The following GPM6B variants were observed in gnomAD, a reference collection of about 807,000 sequenced individuals.
GPM6B encodes neuronal membrane glycoprotein M6-b.
In GPM6B, 4 loss-of-function variants were observed where a neutral mutation model predicts 27.2. The observed-to-expected ratio is 0.15, with a 90% CI of 0.07 to 0.34. The LOEUF is 0.34. Ranked by LOEUF, GPM6B falls within the 10% of genes least tolerant of loss-of-function variation. The pLI, the probability that GPM6B is intolerant of heterozygous loss-of-function variation, is 1.00. For synonymous variants in GPM6B, 124 were observed against 103.1 expected (o/e 1.20, Z -1.23); for missense variants, 183 against 261.9 (o/e 0.70, Z 2.08).
intron 1 of GPM6B, among the ~76,000 whole-genome samples, chrX:13,932,931 T>C (rs1331388004): frequency 1.8e-5 from 2 of 112,164 alleles, no homozygotes; most frequent in Non-Finnish European, 3.8e-5. Flanking sequence ...TGTTTCTGTG[T>C]CTGTATGCCT....
At chrX:13,816,527 A>C (rs1191583052) in intron 1 of GPM6B, among the ~76,000 whole-genome samples, 5 of 111,672 alleles carry the variant, frequency 4.5e-5, no homozygotes, top group Admixed American at 9.5e-5. Context: ...CATGCAGGAC[A>C]CAAGACCTAA....
At chrX:13,774,049 C>T (rs1203641910) in intron 7 of GPM6B, 1 of 736,777 alleles carries the variant, frequency 1.4e-6, no homozygotes, top group Non-Finnish European at 1.6e-6. Flanking sequence ...GGTAGTGAAC[C>T]ATGTGATCAT....
intron 4 of GPM6B, 23 bp from the exon 5 acceptor site, chrX:13,780,012 A>G (rs756920048): frequency 2.6e-6 from 3 of 1,145,342 alleles, no homozygotes; most frequent in Admixed American, 4.4e-5. Flanking sequence ...AAGAGGAAGG[A>G]CAATCATCAC....
At chrX:13,936,621 C>A (rs1158705009) in intron 1 of GPM6B, among the ~76,000 whole-genome samples, 1 of 112,483 alleles carries the variant, frequency 8.9e-6, no homozygotes, top group African/African-American at 3.2e-5. Flanking sequence ...ATGAAGGGAA[C>A]TTTCTTTTTA....
At chrX:13,937,376 CCACA>C (rs1446296842) in intron 1 of GPM6B, among the ~76,000 whole-genome samples, 1 of 111,671 alleles carries the variant, frequency 9.0e-6, no homozygotes, top group Non-Finnish European at 1.9e-5. Flanking sequence ...TATCGCCCCC[CCACA>C]CACAATTAAT....
chrX:13,912,005 A>G (rs2050382603), intron 1 of GPM6B, among the ~76,000 whole-genome samples: 1 of 111,648 alleles, frequency 9.0e-6, no homozygotes, highest in Non-Finnish European at 1.9e-5. Context: ...ACTGTCACAA[A>G]TTTGTGACAT....
intron 1 of GPM6B, among the ~76,000 whole-genome samples, chrX:13,885,383 ATC>A (rs1160330380): frequency 2.7e-5 from 3 of 112,390 alleles, no homozygotes; most frequent in Non-Finnish European, 3.8e-5. Context: ...TTTAAGCTCA[ATC>A]TCTCTCTTTT....
chrX:13,811,215 A>G (rs2049125425), intron 1 of GPM6B, among the ~76,000 whole-genome samples: 1 of 112,719 alleles, frequency 8.9e-6, no homozygotes, highest in Admixed American at 9.4e-5. Context: ...GTGAGTGGTC[A>G]TTGCCAAAGG....
At position 13,858,856 on chromosome X, in the gene GPM6B, C is replaced by G. The variant is rs182082189; in HGVS notation, c.-197-73048G>C. On this transcript the variant is annotated intron_variant, in intron 1 of 6. Coordinates refer to the GPM6B transcript ENST00000398361. ...AGTGTATATAAACTGTCTGCAATTT[C>G]TCTACAATTTCTCTAATACAGACTA... Among the ~76,000 whole-genome samples the G allele has an allele frequency of 9.8e-5, 11 of 112,049 alleles. 1 individual carries two copies. The East Asian group carries it at 3.1e-3, about 31-fold the overall frequency.
chrX:13,896,871 T>C (rs1298819340), intron 1 of GPM6B, among the ~76,000 whole-genome samples: 2 of 112,251 alleles, frequency 1.8e-5, no homozygotes, highest in Non-Finnish European at 3.8e-5. Flanking sequence ...CTCTGCCATA[T>C]TGACAATTTC....
intron 1 of GPM6B, among the ~76,000 whole-genome samples, chrX:13,883,629 G>A (rs1226828066): frequency 1.2e-5 from 1 of 82,897 alleles, no homozygotes; most frequent in Non-Finnish European, 2.3e-5. Context: ...AGGTCAAGGT[G>A]GGAGAATCAC....
chrX:13,923,559 A>G lies in GPM6B; in HGVS notation c.-198+14768T>C, dbSNP rs1921027709. On this transcript the variant is annotated intron_variant, in intron 1 of 6. Coordinates refer to the GPM6B transcript ENST00000398361. Reference sequence around the variant, plus strand: ...CCCCTTCTTCGCAGGGTGAGCAGCTATGTAAAATCTGCCAGGAGAAGTTTT... The same window carrying G: ...CCCCTTCTTCGCAGGGTGAGCAGCTGTGTAAAATCTGCCAGGAGAAGTTTT... Among the ~76,000 whole-genome samples the G allele has an allele frequency of 4.4e-5, 5 of 112,585 alleles. 1 individual carries two copies. In the South Asian group the frequency reaches 1.8e-3, roughly 41 times the overall value.
chrX:13,836,435 T>C (rs779063627), intron 1 of GPM6B, among the ~76,000 whole-genome samples: 125 of 112,460 alleles, frequency 1.1e-3, no homozygotes, highest in Non-Finnish European at 1.9e-3. Flanking sequence ...GAATGAGCTC[T>C]AACCCTAGTT....
chrX:13,783,984 C>T (rs905141463), intron 3 of GPM6B: 2 of 260,687 alleles, frequency 7.7e-6, no homozygotes, highest in Non-Finnish European at 1.5e-5. Flanking sequence ...TGATAAAACC[C>T]CTAAGTAGGC....
chrX:13,824,609 G>A (rs987389394), intron 1 of GPM6B, among the ~76,000 whole-genome samples: 3 of 111,913 alleles, frequency 2.7e-5, no homozygotes, highest in African/African-American at 9.7e-5. Flanking sequence ...AGAGGGCAGA[G>A]TCAGGGCGAC....
intron 1 of GPM6B, among the ~76,000 whole-genome samples, chrX:13,902,389 G>C (rs758252208): frequency 9.0e-6 from 1 of 110,499 alleles, no homozygotes; most frequent in Non-Finnish European, 1.9e-5. Flanking sequence ...CTCTAAGCTA[G>C]ACATAGCATG....
intron 1 of GPM6B, among the ~76,000 whole-genome samples, chrX:13,853,068 G>A (rs1013155308): frequency 9.0e-6 from 1 of 111,225 alleles, no homozygotes; most frequent in Non-Finnish European, 1.9e-5. Context: ...CTGACAACAT[G>A]TCCTCGACAA....
intron 2 of GPM6B, among the ~76,000 whole-genome samples, chrX:13,788,058 G>A (rs761322734): frequency 2.7e-5 from 3 of 112,020 alleles, no homozygotes; most frequent in African/African-American, 9.7e-5. Context: ...ATGCTCAAAA[G>A]CCACATGGAC....
intron 1 of GPM6B, among the ~76,000 whole-genome samples, chrX:13,861,779 C>T (rs958381155): frequency 1.8e-5 from 2 of 112,015 alleles, no homozygotes; most frequent in Non-Finnish European, 3.8e-5. Context: ...ACAGTAACAA[C>T]CTCACAACAG....
Sources: allele counts gnomAD v4.1 joint callset (sites outside exome capture counted in the v4.1 genomes callset), GRCh38; gene constraint gnomAD v4.1.1; transcripts MANE v1.5; gene names NCBI Gene and HGNC (gene_info 2026-07-23, HGNC 2026-07-21).